ANKRD11: variants seen among roughly 807,000 people sequenced by gnomAD.
The protein encoded by ANKRD11 is ankyrin repeat domain-containing protein 11.
Under a neutral mutation model 195.7 loss-of-function variants are expected in ANKRD11, and 17 were observed. The ratio of observed to expected loss-of-function variants is 0.09; its 90% CI spans 0.06 to 0.13. The LOEUF (loss-of-function observed/expected upper bound fraction) is 0.13. ANKRD11 is among the 10% of genes least tolerant of loss of function. The pLI, the probability that ANKRD11 is intolerant of heterozygous loss-of-function variation, is 1.00. For missense variants in ANKRD11, 3,735 were observed against 3,566.1 expected (o/e 1.05, Z -1.21); for synonymous variants, 1,953 against 1,528.1 (o/e 1.28, Z -6.49).
chr16:89,280,024 A>G lies in ANKRD11; in HGVS notation c.6518T>C (p.Val2173Ala). Residue 2173 changes from valine to alanine, a missense_variant, in exon 9 of 13, where the codon GTC becomes GCC. Transcript: ENST00000301030. ...GGTGGAAACATCCCCACCGTTTATG[A>G]CCCCGGGGGCCCCTGGAGGCATCTC... is the stretch of plus-strand genomic sequence containing the variant. ...PEEMPPGAPG[V>A]INGGDVSTVV... 1 of 1,612,254 alleles carries G rather than the reference A, an allele frequency of 6.2e-7. No individual in the cohort carries two copies. The highest frequency in any genetic ancestry group is 8.5e-7 in the Non-Finnish European group (1 of 1,179,842).
intron 1 of ANKRD11, among the ~76,000 whole-genome samples, chr16:89,467,503 C>T (rs1597499336): frequency 6.6e-6 from 1 of 152,166 alleles, no homozygotes; most frequent in Admixed American, 6.5e-5. Flanking sequence ...GCTGGGACTA[C>T]AGGCACACGC....
In ANKRD11 at chr16:89,312,711, G is replaced by A. The variant is rs2036677612; in HGVS notation, c.87+4222C>T. Among the ~76,000 whole-genome samples the A allele has an allele frequency of 2.0e-5, 3 of 152,356 alleles. No individual in the cohort carries two copies. The South Asian group carries it at 6.2e-4, about 32-fold the overall frequency. On this transcript the variant is annotated intron_variant, in intron 3 of 12. Transcript: ENST00000301030. ...TCCTGTGCTCTCGCCATCAGACACG[G>A]CCTCCTGCTCCTCCCGAAGCATGCG...
chr16:89,292,916 C>T (rs1228575561), intron 4 of ANKRD11, among the ~76,000 whole-genome samples: 1 of 152,224 alleles, frequency 6.6e-6, no homozygotes, highest in Non-Finnish European at 1.5e-5. Context: ...CCTCCCCAGG[C>T]TTGCTTCTCA....
At position 89,284,835 on chromosome 16, in the gene ANKRD11, T is replaced by C. The variant is rs1178076834; in HGVS notation, c.1707A>G (p.Thr569=). The C allele has an allele frequency of 1.2e-6, 2 of 1,613,828 alleles. No individual in the cohort carries two copies. Among genetic ancestry groups the C allele is most frequent in the Non-Finnish European group, 1.7e-6 (2 of 1,180,016 alleles). ...CAGACTCGCTTGTCAGTCTCGTCCT[T>C]GTGGAGTCTGATAAAGAACTGACCT... is the stretch of plus-strand genomic sequence containing the variant. The part of the protein sequence containing the change: ...WSEVSSLSDS[T]RTRLTSESDY... The change falls in exon 9 of 13, where the codon ACA becomes ACG. Residue 569 remains threonine, a synonymous_variant. Transcript: ENST00000301030.
intron 1 of ANKRD11, among the ~76,000 whole-genome samples, chr16:89,472,577 T>C (rs1275542085): frequency 1.3e-5 from 2 of 152,148 alleles, no homozygotes; most frequent in Non-Finnish European, 2.9e-5. Context: ...TGGAGGGCAG[T>C]GGCACATTCA....
chr16:89,396,383 C>A (rs1222062210), intron 2 of ANKRD11, among the ~76,000 whole-genome samples: 1 of 152,180 alleles, frequency 6.6e-6, no homozygotes, highest in African/African-American at 2.4e-5. Context: ...CCGCACTCGC[C>A]GCAAGAGAGA....
chr16:89,452,612 A>T (rs2044129455), intron 1 of ANKRD11, among the ~76,000 whole-genome samples: 1 of 151,948 alleles, frequency 6.6e-6, no homozygotes, highest in African/African-American at 2.4e-5. Context: ...CCTCATCTCT[A>T]CTAAAAATAC....
intron 2 of ANKRD11, among the ~76,000 whole-genome samples, chr16:89,352,448 C>CTGA (rs2039266738): frequency 1.3e-5 from 2 of 151,756 alleles, no homozygotes; most frequent in Admixed American, 6.6e-5. Flanking sequence ...AGGGCACTTG[C>CTGA]TGATGCTGGG....
At chr16:89,330,519 G>C (rs890633681) in intron 2 of ANKRD11, among the ~76,000 whole-genome samples, 16 of 152,132 alleles carry the variant, frequency 1.1e-4, no homozygotes, top group African/African-American at 3.1e-4. Flanking sequence ...CCCGTGACGT[G>C]GCAGCGGGTT....
chr16:89,279,752 G>T lies in ANKRD11; in HGVS notation c.6790C>A (p.Pro2264Thr), dbSNP rs532695477. The change falls in exon 9 of 13, where the codon CCC becomes ACC. Residue 2264 changes from proline to threonine, a missense_variant. Transcript: ENST00000301030. The surrounding 1 kb of genome is among the most constrained non-coding windows in gnomAD (Gnocchi z 5.6). ...GDQGAEAEGP[P>T]AASLCAPDGP... The stretch of plus-strand genomic sequence containing the variant: ...TCAGGGGCACAGAGGGACGCGGCGG[G>T]GGGGCCTTCAGCCTCAGCCCCCTGG... 1.6e-5 allele frequency: 25 copies of T among 1,525,244 alleles called. No individual in the cohort carries two copies. The highest frequency in any genetic ancestry group is 2.1e-5 in the Non-Finnish European group (24 of 1,139,646). 94.5% of individuals were successfully genotyped at this position (1,525,244 alleles called of 1,614,324 possible). A position where few individuals can be genotyped will look rare whatever the true frequency, so the allele number is the denominator to read the frequency against.
chr16:89,443,548 T>C (rs995165648), intron 1 of ANKRD11: 5 of 152,332 alleles, frequency 3.3e-5, no homozygotes, highest in African/African-American at 1.2e-4. Flanking sequence ...ACCACTAGTA[T>C]TAGCACCACC....
At chr16:89,347,055 G>C (rs535016735) in intron 2 of ANKRD11, among the ~76,000 whole-genome samples, 6 of 152,144 alleles carry the variant, frequency 3.9e-5, no homozygotes, top group Admixed American at 2.6e-4. Flanking sequence ...TCTGCTGGGC[G>C]AAAGGCCAGC....
intron 2 of ANKRD11, among the ~76,000 whole-genome samples, chr16:89,369,720 C>T (rs140678686): frequency 1.0e-3 from 156 of 152,280 alleles, no homozygotes; most frequent in African/African-American, 3.7e-3. Flanking sequence ...ATCAACTGTA[C>T]AGAACTCAAT....
chr16:89,270,880 A>T lies in ANKRD11; in HGVS notation c.7743T>A (p.Arg2581=), dbSNP rs1373611102. ...AGGAGATGAACTGGCGGGCGTTGAA[A>T]CGGTCGCGCACTGACTTGTTCTCGT... ...QGDENKSVRD[R]FNARQFISWL... is the part of the protein sequence containing the mutation. Residue 2581 remains arginine (R), a synonymous_variant, in exon 12 of 13, where the codon CGT becomes CGA. Coordinates refer to ENST00000301030, the MANE Select transcript of ANKRD11 (RefSeq NM_013275.6). The T allele has an allele frequency of 1.2e-6, 2 of 1,613,992 alleles. No homozygotes were observed. Among genetic ancestry groups the T allele is most frequent in the Non-Finnish European group, 1.7e-6 (2 of 1,179,984 alleles).
intron 1 of ANKRD11, among the ~76,000 whole-genome samples, chr16:89,434,139 C>T (rs1319259624): frequency 6.6e-6 from 1 of 152,150 alleles, no homozygotes; most frequent in Non-Finnish European, 1.5e-5. Context: ...AAGAGAAGGG[C>T]CATACGGCAG....
chr16:89,393,981 G>C (rs1237113397), intron 2 of ANKRD11, among the ~76,000 whole-genome samples: 1 of 152,196 alleles, frequency 6.6e-6, no homozygotes, highest in East Asian at 1.9e-4. Context: ...CAAACCACTA[G>C]GTGCCAAACA....
At chr16:89,466,606 A>G (rs914297773) in intron 1 of ANKRD11, among the ~76,000 whole-genome samples, 2 of 152,228 alleles carry the variant, frequency 1.3e-5, no homozygotes, top group Non-Finnish European at 2.9e-5. Context: ...AAGCCTCAGA[A>G]AACGACGATT....
intron 9 of ANKRD11, among the ~76,000 whole-genome samples, chr16:89,276,642 G>A (rs1307099356): frequency 1.3e-5 from 2 of 152,214 alleles, no homozygotes; most frequent in African/African-American, 4.8e-5. Context: ...GTGGACGCAC[G>A]GCAGGGTCTC....
Position 89,281,365 on chromosome 16 carries a change from G to A in ANKRD11, c.5177C>T (p.Ser1726Phe), listed in dbSNP as rs1433048667. 1.9e-6 allele frequency: 3 copies of A among 1,610,360 alleles called. No homozygotes were observed. The highest frequency in any genetic ancestry group is 2.5e-6 in the Non-Finnish European group (3 of 1,177,146). The part of the protein sequence containing the change: ...EEVMHTPRTP[S>F]CSADDYADLV... ...GTCCGCGTAGTCATCGGCGCTGCAG[G>A]ACGGGGTCCTGGGCGTGTGCATCAC... The change falls in exon 9 of 13, where the codon TCC becomes TTC. Residue 1726 changes from serine to phenylalanine, a missense_variant. Ser to Phe is a radical substitution (Grantham distance 155). Coordinates refer to ENST00000301030, the MANE Select transcript of ANKRD11 (RefSeq NM_013275.6). The surrounding 1 kb of genome is among the most constrained non-coding windows in gnomAD (Gnocchi z 5.5).
Sources: gnomAD v4.1 joint callset for allele counts (sites outside exome capture counted in the v4.1 genomes callset) on GRCh38, gnomAD v4.1.1 for gene constraint, Gnocchi (gnomAD v3.1) non-coding constraint, MANE v1.5 for transcripts, NCBI Gene and HGNC (gene_info 2026-07-23, HGNC 2026-07-21) for gene names.